The following PER2 variants were observed in gnomAD, a reference collection of about 807,000 sequenced individuals.
PER2 encodes the protein period circadian protein homolog 2.
Under a neutral mutation model 121.0 loss-of-function variants are expected in PER2, and 66 were observed. The ratio of observed to expected loss-of-function variants is 0.55; its 90% CI spans 0.45 to 0.67. The LOEUF is 0.67. Ranked by LOEUF, PER2 falls within the 30% of genes least tolerant of loss-of-function variation. The pLI, the probability that PER2 is intolerant of heterozygous loss-of-function variation, is 0.00. For missense variants in PER2, 1,521 were observed against 1,635.0 expected, an observed-to-expected ratio of 0.93 and a Z score of 1.20; for synonymous variants, 684 against 659.9, an observed-to-expected ratio of 1.04 and a Z score of -0.56.
chr2:238,253,537 G>A lies in PER2; in HGVS notation c.2486C>T (p.Thr829Ile). 2 of 1,611,464 alleles carry A rather than the reference G, an allele frequency of 1.2e-6. No individual in the cohort carries two copies. Among genetic ancestry groups the A allele is most frequent in the Non-Finnish European group, 1.7e-6 (2 of 1,179,156 alleles). Residue 829 changes from threonine (T) to isoleucine (I), a missense_variant, in exon 19 of 23, where the codon ACA becomes ATA. Coordinates refer to ENST00000254657, the MANE Select transcript of PER2 (RefSeq NM_022817.3). This position sits in a 1 kb window ranked among gnomAD's most constrained non-coding sequence, Gnocchi z 5.6. ...ARPPLVGLNA[T>I]AWSPSDTSQS... is the part of the protein sequence containing the mutation. ...GGACGTGTCTGAGGGTGACCAGGCT[G>A]TGGCGTTCAAGCCCACCAGCGGGGG...
At position 238,277,806 on chromosome 2, in the gene PER2, T is replaced by C. The variant is rs1448014377; in HGVS notation, c.131A>G (p.Asn44Ser). 1.9e-6 allele frequency: 3 copies of C among 1,614,204 alleles called. No individual in the cohort carries two copies. Among genetic ancestry groups the C allele is most frequent in the Non-Finnish European group, 2.5e-6 (3 of 1,180,032 alleles). ...MSSGSSGHET[N>S]ENCSTGRDSQ... The stretch of plus-strand genomic sequence containing the variant: ...GTCCCGCCCCGTGGAGCAGTTTTCG[T>C]TGGTCTCATGTCCACTGGAGCCACT... Residue 44 changes from asparagine to serine, a missense_variant, in exon 2 of 23, where the codon AAC (asparagine) becomes AGC (serine). Asn to Ser is a conservative substitution (Grantham distance 46, BLOSUM62 1). Transcript: ENST00000254657.
At chr2:238,267,328 A>C (rs1356485798) in intron 8 of PER2, among the ~76,000 whole-genome samples, 1 of 152,240 alleles carries the variant, frequency 6.6e-6, no homozygotes, top group Non-Finnish European at 1.5e-5. Context: ...GTAACCTCTG[A>C]GCTTCAAGAG....
chr2:238,252,159 G>A lies in PER2; in HGVS notation c.3112-398C>T, dbSNP rs947968670. The stretch of plus-strand genomic sequence containing the variant: ...TGGGATTGAGGGCGGGGCCTGGCCT[G>A]GGGAGCATCCCTGACCCTCCTCTCC... On this transcript the variant is annotated intron_variant, in intron 19 of 22. Coordinates refer to ENST00000254657, the MANE Select transcript of PER2 (RefSeq NM_022817.3). The surrounding 1 kb of genome is among the most constrained non-coding windows in gnomAD (Gnocchi z 4.2). Among the ~76,000 whole-genome samples the A allele has an allele frequency of 6.6e-6, 1 of 152,168 alleles. No individual in the cohort carries two copies. Among genetic ancestry groups the A allele is most frequent in the Non-Finnish European group, 1.5e-5 (1 of 68,022 alleles).
chr2:238,248,962 AG>A (rs1695522575), intron 22 of PER2, 99 bp downstream of exon 22: 1 of 1,340,444 alleles, frequency 7.5e-7, no homozygotes. Context: ...GCCTAATTTT[AG>A]AAGTTTTAAA....
chr2:238,261,666 T>C, intron 12 of PER2, 63 bp downstream of exon 12: 2 of 1,025,728 alleles, frequency 1.9e-6, no homozygotes. Context: ...TCAGAGCCTA[T>C]GTCCTCTGCA....
At chr2:238,293,154 C>G (rs1394544410), upstream of PER2, among the ~76,000 whole-genome samples, 2 of 151,568 alleles carry the variant, frequency 1.3e-5, no homozygotes, top group African/African-American at 2.4e-5. Flanking sequence ...TTTTGCAGAT[C>G]TGCAAATAAT....
chr2:238,293,305 C>T (rs13390094), upstream of PER2, among the ~76,000 whole-genome samples: 1 of 151,978 alleles, frequency 6.6e-6, no homozygotes, highest in African/African-American at 2.4e-5. Context: ...TTATACATAT[C>T]CTCTTTATTG....
intron 8 of PER2, among the ~76,000 whole-genome samples, chr2:238,266,775 C>A (rs1330802407): frequency 6.6e-6 from 1 of 152,150 alleles, no homozygotes; most frequent in Admixed American, 6.5e-5. Flanking sequence ...CGGTGGCTCG[C>A]GCCTGTAATC....
Position 238,277,760 on chromosome 2 carries a change from G to A in PER2, c.177C>T (p.Asp59=), listed in dbSNP as rs138909560. 2.1e-4 allele frequency: 337 copies of A among 1,614,002 alleles called. No individual in the cohort carries two copies. Among genetic ancestry groups the A allele is most frequent in the Non-Finnish European group, 2.5e-4 (291 of 1,180,024 alleles). The part of the protein sequence containing the change: ...TGRDSQGSDC[D]DSGKELGMLV... ...GCATCCCCAGCTCCTTCCCACTGTC[G>A]TCACAGTCACTGCCCTGCGAGTCCC... Residue 59 remains aspartate (D), a synonymous_variant, in exon 2 of 23, where the codon GAC becomes GAT. Coordinates refer to ENST00000254657, the MANE Select transcript of PER2 (RefSeq NM_022817.3).
chr2:238,279,427 A>G (rs935391678), intron 1 of PER2, among the ~76,000 whole-genome samples: 1 of 152,194 alleles, frequency 6.6e-6, no homozygotes, highest in Non-Finnish European at 1.5e-5. Flanking sequence ...ACACAGTAGC[A>G]GATGACAGCC....
chr2:238,283,573 G>A (rs541793613), intron 1 of PER2, among the ~76,000 whole-genome samples: 7 of 152,370 alleles, frequency 4.6e-5, no homozygotes, highest in East Asian at 1.9e-4. Flanking sequence ...CTGGAGCAGA[G>A]CGGGCAGCGG....
At position 238,249,462 on chromosome 2, in the gene PER2, G is replaced by C. The variant is rs1325341646; in HGVS notation, c.3468-250C>G. On this transcript the variant is annotated intron_variant, in intron 21 of 22. Coordinates refer to ENST00000254657, the MANE Select transcript of PER2 (RefSeq NM_022817.3). The stretch of plus-strand genomic sequence containing the variant: ...AGGCCTGGGAGCTGCGTATCTGCAG[G>C]TGTAACCTTGTCCCCTGGGGCTCAG... Among the ~76,000 whole-genome samples, 8 of 152,172 alleles carry C rather than the reference G, an allele frequency of 5.3e-5. No homozygotes were observed. In the East Asian group the frequency reaches 1.5e-3, roughly 29 times the overall value.
chr2:238,274,624 A>G (rs1005302934), intron 4 of PER2, among the ~76,000 whole-genome samples: 5 of 152,230 alleles, frequency 3.3e-5, no homozygotes, highest in African/African-American at 9.6e-5. Flanking sequence ...GAGCAGCCCA[A>G]CTGATCAGAA....
At chr2:238,254,012 G>A (rs1695688682) in intron 18 of PER2, among the ~76,000 whole-genome samples, 1 of 152,166 alleles carries the variant, frequency 6.6e-6, no homozygotes, top group African/African-American at 2.4e-5. Flanking sequence ...AGTTCTATTT[G>A]TTAAATAAAT....
At chr2:238,259,812 T>G (rs1185211067) in intron 14 of PER2, among the ~76,000 whole-genome samples, 157 bp downstream of exon 14, 2 of 152,212 alleles carry the variant, frequency 1.3e-5, no homozygotes, top group Non-Finnish European at 2.9e-5. Context: ...CTCTCGCCTC[T>G]TGGAAGCTGC....
chr2:238,246,332 C>G lies in PER2; in HGVS notation c.*43G>C. On this transcript the variant is annotated 3_prime_UTR_variant, in exon 23 of 23. Coordinates refer to ENST00000254657, the MANE Select transcript of PER2 (RefSeq NM_022817.3). ...GATCTTTCATCTCTTCCAAGCACCA[C>G]CTGGTGTACCTCGCTGGCTGCCGGG... The G allele has an allele frequency of 6.7e-7, 1 of 1,502,128 alleles. No individual in the cohort carries two copies. Among genetic ancestry groups the G allele is most frequent in the Non-Finnish European group, 9.0e-7 (1 of 1,105,570 alleles). 93.0% of individuals were successfully genotyped at this position (1,502,128 alleles called of 1,614,324 possible).
chr2:238,265,446 C>A, intron 9 of PER2, 66 bp downstream of exon 9: 1 of 971,854 alleles, frequency 1.0e-6, no homozygotes, highest in South Asian at 1.3e-5. Context: ...AAGATGCAGT[C>A]TTGGCTTTGG....
chr2:238,261,307 A>G, intron 12 of PER2: 1 of 393,926 alleles, frequency 2.5e-6, no homozygotes, highest in Non-Finnish European at 4.7e-6. Flanking sequence ...ACTGACAGGC[A>G]GGCGCCTACT....
rs369008222 is a variant in PER2 at position 238,261,170 on chromosome 2, G to A, written c.1417-217C>T. On this transcript the variant is annotated intron_variant, in intron 12 of 22. Transcript: ENST00000254657. ...GCCCCGACCCAGACATGCAGTCACC[G>A]AGGAGACGGCACCAAAGGAATGTGT... Among the ~76,000 whole-genome samples, 356 of 152,334 alleles carry A rather than the reference G, an allele frequency of 2.3e-3. 4 individuals are homozygous for A. Among genetic ancestry groups the A allele is most frequent in the South Asian group, 4.6e-3 (22 of 4,830 alleles).
Sources: gnomAD v4.1 joint callset for allele counts (sites outside exome capture counted in the v4.1 genomes callset) on GRCh38, gnomAD v4.1.1 for gene constraint, Gnocchi (gnomAD v3.1) non-coding constraint, MANE v1.5 for transcripts, NCBI Gene and HGNC (gene_info 2026-07-23, HGNC 2026-07-21) for gene names.